The following TMEM108 variants were observed in gnomAD, a reference collection of about 807,000 sequenced individuals.
TMEM108 encodes the protein cancer/testis antigen 124.
A neutral mutation model predicts 35.1 loss-of-function variants in TMEM108; 12 were observed. That is an observed-to-expected ratio of 0.34 (90% CI 0.22 to 0.55). TMEM108 has a LOEUF of 0.55. TMEM108 is among the 20% of genes least tolerant of loss of function. TMEM108 has a pLI of 0.89. For synonymous variants in TMEM108, 287 were observed against 308.6 expected (o/e 0.93, Z 0.73); for missense variants, 680 against 753.3 (o/e 0.90, Z 1.14).
Position 133,158,244 on chromosome 3 carries a change from C to T in TMEM108, c.-46-71022C>T, listed in dbSNP as rs543743208. ...CAGCACTTTGGGAGGCCAAGGTGGG[C>T]GGGTCACGAGGTCAAGAAATCGAGA... On this transcript the variant is annotated intron_variant, in intron 2 of 5. Transcript: ENST00000321871. Among the ~76,000 whole-genome samples, 227 of 151,842 alleles carry T rather than the reference C, an allele frequency of 1.5e-3. 1 individual carries two copies. Among genetic ancestry groups the T allele is most frequent in the African/African-American group, 4.7e-3 (195 of 41,406 alleles).
intron 3 of TMEM108, among the ~76,000 whole-genome samples, chr3:133,334,160 T>G (rs1333707023): frequency 1.3e-5 from 2 of 152,098 alleles, no homozygotes; most frequent in Non-Finnish European, 2.9e-5. Context: ...AGTTGTTGAG[T>G]TAGAATCAGA....
chr3:133,287,227 G>T (rs181425191), intron 3 of TMEM108, among the ~76,000 whole-genome samples: 5 of 152,218 alleles, frequency 3.3e-5, no homozygotes, highest in Non-Finnish European at 7.4e-5. Flanking sequence ...CACTTATAAA[G>T]AATATGGATT....
chr3:133,110,357 G>T (rs796570439), intron 2 of TMEM108, among the ~76,000 whole-genome samples: 1 of 152,176 alleles, frequency 6.6e-6, no homozygotes, highest in East Asian at 1.9e-4. Context: ...GGCTATGTGC[G>T]TCAGGTAGCT....
At position 133,380,011 on chromosome 3, in the gene TMEM108, C is replaced by T. The variant is rs769779341; in HGVS notation, c.300C>T (p.Ile100=). Reference sequence around the variant, plus strand: ...CTCCTACGCACACCATCTCCACCATCGCTGCGACAGTAACCGCCCCCCATT... The same window carrying T: ...CTCCTACGCACACCATCTCCACCATTGCTGCGACAGTAACCGCCCCCCATT... ...GHPPTHTIST[I]AATVTAPHSE... is the part of the protein sequence containing the mutation. Residue 100 remains isoleucine (I), a synonymous_variant, in exon 4 of 6, where the codon ATC becomes ATT. Coordinates refer to ENST00000321871, the MANE Select transcript of TMEM108 (RefSeq NM_023943.4). The surrounding 1 kb of genome is among the most constrained non-coding windows in gnomAD (Gnocchi z 5.3). The T allele has an allele frequency of 9.9e-6, 16 of 1,613,890 alleles. No individual in the cohort carries two copies. The highest frequency in any genetic ancestry group is 3.3e-5 in the South Asian group (3 of 91,068).
intron 2 of TMEM108, among the ~76,000 whole-genome samples, chr3:133,072,712 A>G (rs1294163669): frequency 6.6e-6 from 1 of 152,124 alleles, no homozygotes. Flanking sequence ...CAATTCAGTG[A>G]TTTTTAGTAT....
intron 2 of TMEM108, among the ~76,000 whole-genome samples, chr3:133,122,653 G>A (rs1379808616): frequency 2.0e-5 from 3 of 152,128 alleles, no homozygotes; most frequent in East Asian, 3.9e-4. Flanking sequence ...ATCGAGGTCA[G>A]GAGATCAAGA....
rs533821178 is a variant in TMEM108 at position 133,326,090 on chromosome 3, A to G, written c.41-53662A>G. Among the ~76,000 whole-genome samples the G allele has an allele frequency of 1.4e-4, 22 of 152,300 alleles. No homozygotes were observed. In the South Asian group the frequency reaches 4.4e-3, roughly 30 times the overall value. ...ATTCCCAATTTTATAGATGAATAAG[A>G]ATTTCCACAACAAAAAGTAAAACAA... On this transcript the variant is annotated intron_variant, in intron 3 of 5. Transcript: ENST00000321871.
intron 2 of TMEM108, among the ~76,000 whole-genome samples, chr3:133,077,995 C>CT (rs545248332): frequency 6.6e-6 from 1 of 152,158 alleles, no homozygotes; most frequent in East Asian, 1.9e-4. Context: ...CAAACTAAGA[C>CT]TTTTATACAA....
intron 3 of TMEM108, among the ~76,000 whole-genome samples, chr3:133,328,665 C>T (rs2071359215): frequency 6.6e-6 from 1 of 152,206 alleles, no homozygotes; most frequent in Non-Finnish European, 1.5e-5. Context: ...TTCCTAACCT[C>T]ATCCCACCCT....
chr3:133,387,961 A>G, intron 4 of TMEM108: 1 of 985,432 alleles, frequency 1.0e-6, no homozygotes, highest in Non-Finnish European at 1.2e-6. Flanking sequence ...TGCAAACTAT[A>G]CAAATCTGAC....
intron 3 of TMEM108, chr3:133,248,697 A>G (rs955378537): frequency 6.6e-6 from 1 of 152,200 alleles, no homozygotes; most frequent in African/African-American, 2.4e-5. Flanking sequence ...GTTGCAACCC[A>G]TTATGGCAGT....
rs551227800 is a variant in TMEM108 at position 133,319,450 on chromosome 3, C to T, written c.41-60302C>T. On this transcript the variant is annotated intron_variant, in intron 3 of 5. Transcript: ENST00000321871. ...CTCAGGACATTACGGAAACTCATGA[C>T]AGAACAACCCTGCTGCAAGGAAGGA... Among the ~76,000 whole-genome samples, 31 of 152,308 alleles carry T rather than the reference C, an allele frequency of 2.0e-4. No homozygotes were observed. In the South Asian group the frequency reaches 6.0e-3, roughly 30 times the overall value.
Position 133,181,008 on chromosome 3 carries a change from TAAAAAA to T in TMEM108, c.-46-48233_-46-48228del, listed in dbSNP as rs369228472. Among the ~76,000 whole-genome samples the T allele has an allele frequency of 8.4e-3, 634 of 75,862 alleles. 16 individuals carry two copies. Among genetic ancestry groups the T allele is most frequent in the African/African-American group, 0.028 (549 of 19,536 alleles). 49.8% of individuals were successfully genotyped at this position (75,862 alleles called of 152,430 possible). ...TGTACTGGCTATTGGGCAGTTGTGTTAAAAAAAAAAAAAAAAAAAAAAAAAAAAAAC... is the reference window on the plus strand; with the variant it reads ...TGTACTGGCTATTGGGCAGTTGTGTTAAAAAAAAAAAAAAAAAAAAAAAAC... On this transcript the variant is annotated intron_variant, in intron 2 of 5. Transcript: ENST00000321871.
chr3:133,046,940 C>A (rs1200125032), intron 2 of TMEM108, among the ~76,000 whole-genome samples: 2 of 152,108 alleles, frequency 1.3e-5, no homozygotes, highest in Non-Finnish European at 2.9e-5. Context: ...TCCCATTATC[C>A]AGGCTCAGAC....
rs531550681 is a variant in TMEM108, at chr3:133,065,995, T to A, written c.-47+19975T>A. Reference sequence around the variant, plus strand: ...CCACAATAGCTACATAAGGCTACTCTCTTTTGCTTCATTAGTGTGGTTTTT... The same window carrying A: ...CCACAATAGCTACATAAGGCTACTCACTTTTGCTTCATTAGTGTGGTTTTT... On this transcript the variant is annotated intron_variant, in intron 2 of 5. Transcript: ENST00000321871. 3.3e-5 allele frequency among the ~76,000 whole-genome samples: 5 copies of A among 152,342 alleles called. No individual in the cohort carries two copies. The South Asian group carries it at 1.0e-3, about 32-fold the overall frequency.
chr3:133,223,752 C>G (rs1946026961), intron 2 of TMEM108, among the ~76,000 whole-genome samples: 1 of 149,780 alleles, frequency 6.7e-6, no homozygotes, highest in African/African-American at 2.4e-5. Flanking sequence ...TATATAGAGG[C>G]AATTAGGAAA....
At chr3:133,274,864 TAC>T (rs1336603935) in intron 3 of TMEM108, among the ~76,000 whole-genome samples, 1 of 152,182 alleles carries the variant, frequency 6.6e-6, no homozygotes, top group Non-Finnish European at 1.5e-5. Context: ...TGTGAGTTTC[TAC>T]ACCTGAGCCA....
At chr3:133,267,787 C>G (rs986538011) in intron 3 of TMEM108, among the ~76,000 whole-genome samples, 3 of 152,208 alleles carry the variant, frequency 2.0e-5, no homozygotes, top group Non-Finnish European at 1.5e-5. Context: ...AGTTCTTTAC[C>G]ATGTGTGTCT....
At chr3:133,167,418 CG>C (rs1367378748) in intron 2 of TMEM108, among the ~76,000 whole-genome samples, 1 of 152,272 alleles carries the variant, frequency 6.6e-6, no homozygotes, top group Non-Finnish European at 1.5e-5. Context: ...AGCCCTTGGG[CG>C]GTCCATGGGA....
Sources: allele counts gnomAD v4.1 joint callset (sites outside exome capture counted in the v4.1 genomes callset), GRCh38; gene constraint gnomAD v4.1.1; non-coding constraint Gnocchi (gnomAD v3.1); transcripts MANE v1.5; gene names NCBI Gene and HGNC (gene_info 2026-07-23, HGNC 2026-07-21).